Variants in PDE3A observed in about 807,000 individuals in gnomAD.
The protein encoded by PDE3A is phosphodiesterase 3A.
In PDE3A, 43 loss-of-function variants were observed where a neutral mutation model predicts 98.3. The ratio of observed to expected loss-of-function variants is 0.44; its 90% CI spans 0.34 to 0.56. PDE3A has a LOEUF of 0.56. Among genes scored for constraint, PDE3A ranks in the 20% least tolerant of loss-of-function variants. The probability of loss-of-function intolerance (pLI) is 0.01; values close to 1 mark genes in which losing one functional copy is unlikely to be tolerated. For synonymous variants in PDE3A, 663 were observed against 567.9 expected, an observed-to-expected ratio of 1.17 and a Z score of -2.38; for missense variants, 1,427 against 1,440.7, an observed-to-expected ratio of 0.99 and a Z score of 0.15.
At chr12:20,522,233 G>T (rs1565576557) in intron 1 of PDE3A, among the ~76,000 whole-genome samples, 1 of 152,106 alleles carries the variant, frequency 6.6e-6, no homozygotes, top group Non-Finnish European at 1.5e-5. Flanking sequence ...CAACACAAGG[G>T]CCCTGGTCTC....
At chr12:20,580,057 A>C (rs1943029910) in intron 2 of PDE3A, among the ~76,000 whole-genome samples, 1 of 152,202 alleles carries the variant, frequency 6.6e-6, no homozygotes, top group Non-Finnish European at 1.5e-5. Context: ...GTAAATATAA[A>C]AACAAACATA....
At chr12:20,432,450 G>A (rs1944712939) in intron 1 of PDE3A, among the ~76,000 whole-genome samples, 1 of 152,072 alleles carries the variant, frequency 6.6e-6, no homozygotes, top group Non-Finnish European at 1.5e-5. Flanking sequence ...ATTTTATGTT[G>A]TGTTCTTATC....
intron 2 of PDE3A, among the ~76,000 whole-genome samples, chr12:20,610,389 A>T (rs916130120): frequency 6.6e-6 from 1 of 151,978 alleles, no homozygotes; most frequent in Admixed American, 6.6e-5. Context: ...TAAAAAGACA[A>T]GATATAACAA....
intron 4 of PDE3A, among the ~76,000 whole-genome samples, chr12:20,618,166 C>A (rs1373487792): frequency 6.6e-6 from 1 of 152,016 alleles, no homozygotes; most frequent in Non-Finnish European, 1.5e-5. Flanking sequence ...AATATAATTC[C>A]TTCATCATTG....
chr12:20,628,369 A>G (rs185413733), intron 5 of PDE3A, among the ~76,000 whole-genome samples: 1 of 152,280 alleles, frequency 6.6e-6, no homozygotes, highest in Non-Finnish European at 1.5e-5. Context: ...AGTCTTTTTA[A>G]TAGACGTAGA....
chr12:20,581,517 CATCCATAGATGT>C (rs1247151679), intron 2 of PDE3A, among the ~76,000 whole-genome samples: 1 of 152,020 alleles, frequency 6.6e-6, no homozygotes, highest in African/African-American at 2.4e-5. Context: ...CAGTTGAATA[CATCCATAGATGT>C]ATTTTCAACA....
intron 2 of PDE3A, among the ~76,000 whole-genome samples, chr12:20,611,354 A>C (rs1260601488): frequency 1.3e-5 from 2 of 151,906 alleles, no homozygotes; most frequent in African/African-American, 2.4e-5. Context: ...CATGGGTACT[A>C]GTATTAAATT....
At chr12:20,665,705 T>TAAA (rs1178012587) in intron 15 of PDE3A, among the ~76,000 whole-genome samples, 1 of 152,164 alleles carries the variant, frequency 6.6e-6, no homozygotes, top group Admixed American at 6.5e-5. Context: ...TTCTAATTGT[T>TAAA]AAATTCTTCG....
intron 1 of PDE3A, among the ~76,000 whole-genome samples, chr12:20,374,310 A>G (rs957620013): frequency 2.6e-5 from 4 of 152,148 alleles, no homozygotes; most frequent in East Asian, 1.9e-4. Flanking sequence ...CAGTGAATCT[A>G]TATAAATTTA....
At chr12:20,535,406 A>T (rs1000355214) in intron 1 of PDE3A, among the ~76,000 whole-genome samples, 1 of 152,172 alleles carries the variant, frequency 6.6e-6, no homozygotes, top group African/African-American at 2.4e-5. Flanking sequence ...AGAGAGTAAG[A>T]GTTAGTGTTT....
chr12:20,662,916 T>A (rs185225286), intron 15 of PDE3A, among the ~76,000 whole-genome samples: 120 of 152,268 alleles, frequency 7.9e-4, no homozygotes, highest in Non-Finnish European at 1.4e-3. Flanking sequence ...GAGACCTTAG[T>A]GGCAGTCCCT....
intron 1 of PDE3A, among the ~76,000 whole-genome samples, chr12:20,448,751 G>GTTTTTTTTTTTTTTTTTTTTTTTTTTTTT (rs1265923346): frequency 3.0e-5 from 4 of 134,328 alleles, no homozygotes. Context: ...TTTATTTTAA[G>GTTTTTTTTTTTTTTTTTTTTTTTTTTTTT]GTTTTTTTTT....
chr12:20,675,099 T>C (rs1261225287), intron 15 of PDE3A, among the ~76,000 whole-genome samples: 1 of 152,114 alleles, frequency 6.6e-6, no homozygotes, highest in Non-Finnish European at 1.5e-5. Context: ...TTTTGACTAC[T>C]ACTTTGTGTT....
intron 2 of PDE3A, among the ~76,000 whole-genome samples, chr12:20,597,226 C>G (rs1336184025): frequency 6.6e-6 from 1 of 152,132 alleles, no homozygotes; most frequent in African/African-American, 2.4e-5. Context: ...GATAAGCTTA[C>G]TCCATTCTCA....
At chr12:20,475,701 G>T (rs977750549) in intron 1 of PDE3A, among the ~76,000 whole-genome samples, 15 of 149,356 alleles carry the variant, frequency 1.0e-4, no homozygotes, top group African/African-American at 3.6e-4. Context: ...GTGCACTTCA[G>T]CCTGGGTGAC....
rs549147256 is a variant in PDE3A at position 20,600,430 on chromosome 12, T to TAATC, written c.1012-13010_1012-13007dup. Among the ~76,000 whole-genome samples the TAATC allele has an allele frequency of 7.8e-4, 119 of 152,284 alleles. 3 individuals are homozygous for TAATC. The South Asian group carries it at 8.3e-3, about 11-fold the overall frequency. On this transcript the variant is annotated intron_variant, in intron 2 of 15. Coordinates refer to ENST00000359062, the MANE Select transcript of PDE3A (RefSeq NM_000921.5). ...GGACTTTCTTATTGCCCTTACTAGTTAATCAAAGCTCTTGAATATGGCTCA... is the reference window on the plus strand; with the variant it reads ...GGACTTTCTTATTGCCCTTACTAGTTAATCAATCAAAGCTCTTGAATATGGCTCA...
chr12:20,666,389 G>A (rs367823319), intron 15 of PDE3A, among the ~76,000 whole-genome samples: 18 of 152,240 alleles, frequency 1.2e-4, no homozygotes, highest in African/African-American at 4.3e-4. Context: ...TAACTAGTAT[G>A]TTTGTGCTCA....
At chr12:20,661,257 A>T (rs908367216) in intron 15 of PDE3A, among the ~76,000 whole-genome samples, 11 of 152,206 alleles carry the variant, frequency 7.2e-5, no homozygotes, top group Non-Finnish European at 1.5e-5. Context: ...CAAAGCATTC[A>T]AAGGCAACTT....
intron 1 of PDE3A, among the ~76,000 whole-genome samples, chr12:20,446,410 G>C (rs10841531): frequency 0.28 from 42,798 of 152,080 alleles, 7,237 homozygotes; most frequent in East Asian, 0.63. Flanking sequence ...GCTTCATTAT[G>C]TGTTAGATTT....
Sources: gnomAD v4.1 joint callset for allele counts (sites outside exome capture counted in the v4.1 genomes callset) on GRCh38, gnomAD v4.1.1 for gene constraint, MANE v1.5 for transcripts, NCBI Gene and HGNC (gene_info 2026-07-23, HGNC 2026-07-21) for gene names.